Variants in WWC2 observed in about 807,000 individuals in gnomAD.
The protein encoded by WWC2 is protein WWC2.
WWC2 carries 101 observed loss-of-function variants against 138.5 expected under a neutral mutation model. That is an observed-to-expected ratio of 0.73 (90% CI 0.62 to 0.86). The LOEUF is 0.86. WWC2 is among the 40% of genes least tolerant of loss of function. WWC2 has a pLI of 0.00. For synonymous variants in WWC2, 558 were observed against 538.4 expected, an observed-to-expected ratio of 1.04 and a Z score of -0.50; for missense variants, 1,420 against 1,419.4, an observed-to-expected ratio of 1.00 and a Z score of -0.01.
At chr4:183,160,967 A>C (rs142639718) in intron 1 of WWC2, among the ~76,000 whole-genome samples, 2 of 152,186 alleles carry the variant, frequency 1.3e-5, no homozygotes, top group African/African-American at 4.8e-5. Flanking sequence ...AGAGCAACTT[A>C]TTAGGAGACA....
intron 1 of WWC2, among the ~76,000 whole-genome samples, chr4:183,129,256 G>A (rs761332705): frequency 6.6e-6 from 1 of 152,186 alleles, no homozygotes; most frequent in African/African-American, 2.4e-5. Flanking sequence ...TGAATAGTTA[G>A]CTTGAAGGAG....
chr4:183,295,878 G>A (rs1224642406), intron 21 of WWC2, among the ~76,000 whole-genome samples: 1 of 152,192 alleles, frequency 6.6e-6, no homozygotes, highest in East Asian at 1.9e-4. Context: ...TGATAGGAAT[G>A]TGAGGCATGT....
chr4:183,206,375 T>G (rs1364472698), intron 2 of WWC2, among the ~76,000 whole-genome samples: 1 of 151,684 alleles, frequency 6.6e-6, no homozygotes, highest in African/African-American at 2.4e-5. Context: ...AATTATCCCC[T>G]GTTTGTGTTT....
intron 4 of WWC2, among the ~76,000 whole-genome samples, chr4:183,217,869 A>T (rs1735800555): frequency 6.6e-6 from 1 of 152,146 alleles, no homozygotes; most frequent in South Asian, 2.1e-4. Flanking sequence ...TATTTGCAGA[A>T]ACTGAAATTA....
intron 21 of WWC2, among the ~76,000 whole-genome samples, chr4:183,300,992 T>A (rs932596908): frequency 1.3e-5 from 2 of 152,162 alleles, no homozygotes; most frequent in Non-Finnish European, 2.9e-5. Context: ...AAAAGTGGGT[T>A]GGATTTTCTT....
intron 1 of WWC2, among the ~76,000 whole-genome samples, chr4:183,140,958 T>C (rs1286991049): frequency 2.0e-5 from 3 of 152,206 alleles, no homozygotes. Context: ...GCCCACTGCA[T>C]AGTATTATTT....
intron 1 of WWC2, among the ~76,000 whole-genome samples, chr4:183,123,710 T>G (rs933052654): frequency 6.6e-6 from 1 of 152,142 alleles, no homozygotes; most frequent in Non-Finnish European, 1.5e-5. Context: ...TGACATATAT[T>G]AAATATACAT....
At chr4:183,278,552 T>G (rs1737946760) in intron 16 of WWC2, among the ~76,000 whole-genome samples, 1 of 152,014 alleles carries the variant, frequency 6.6e-6, no homozygotes, top group Non-Finnish European at 1.5e-5. Flanking sequence ...GCATTGAATC[T>G]GTAAATTACC....
intron 4 of WWC2, among the ~76,000 whole-genome samples, chr4:183,209,667 A>G (rs1471773649): frequency 6.6e-6 from 1 of 152,162 alleles, no homozygotes; most frequent in Non-Finnish European, 1.5e-5. Flanking sequence ...AGACAACCCA[A>G]TATTTCAAGA....
rs780777604 is a variant in WWC2, at chr4:183,264,996, C to T, written c.1928C>T (p.Pro643Leu). ...TCCATAGATGTGGAAAAATCATTAC[C>T]AAAAAGAAGAGTGATCCACTTGCTT... ...EGTADVEKSL[P>L]KRRVIHLLGE... is the part of the protein sequence containing the mutation. The change falls in exon 12 of 23, where the codon CCA becomes CTA. Residue 643 changes from proline to leucine, a missense_variant. Transcript: ENST00000403733. The T allele has an allele frequency of 6.2e-6, 10 of 1,611,890 alleles. No homozygotes were observed. The African/African-American group carries it at 8.0e-5, about 13-fold the overall frequency.
chr4:183,212,163 G>A (rs1217883787), intron 4 of WWC2, among the ~76,000 whole-genome samples: 2 of 152,180 alleles, frequency 1.3e-5, no homozygotes, highest in South Asian at 2.1e-4. Context: ...CTTAGTCCTC[G>A]AATGTCCTCA....
intron 4 of WWC2, among the ~76,000 whole-genome samples, chr4:183,214,011 T>C (rs1330854364): frequency 6.6e-6 from 1 of 152,158 alleles, no homozygotes; most frequent in Non-Finnish European, 1.5e-5. Flanking sequence ...CTAATTTTTA[T>C]TACATTTTTA....
At chr4:183,147,061 A>G (rs1308600670) in intron 1 of WWC2, among the ~76,000 whole-genome samples, 1 of 152,228 alleles carries the variant, frequency 6.6e-6, no homozygotes, top group Admixed American at 6.5e-5. Context: ...CTGAGGCCCA[A>G]GCCATGAACA....
chr4:183,125,450 G>T (rs1241548699), intron 1 of WWC2, among the ~76,000 whole-genome samples: 2 of 152,174 alleles, frequency 1.3e-5, no homozygotes, highest in African/African-American at 2.4e-5. Flanking sequence ...GCTATTTCTA[G>T]TGAAAAACAT....
At chr4:183,173,683 C>T (rs900187675) in intron 1 of WWC2, among the ~76,000 whole-genome samples, 1 of 151,916 alleles carries the variant, frequency 6.6e-6, no homozygotes, top group African/African-American at 2.4e-5. Context: ...ATTGGAGATG[C>T]CACAGGCACC....
chr4:183,265,063 G>A lies in WWC2; in HGVS notation c.1995G>A (p.Glu665=). ...GTGTGTCGGCTGCTGTGTCTGATGA[G>A]TCTGTGGCTGGAGACAGTGGGGTCT... The part of the protein sequence containing the change: ...TTCVSAAVSD[E]SVAGDSGVYE... The change falls in exon 12 of 23, where the codon GAG becomes GAA. Residue 665 remains glutamate, a synonymous_variant. Coordinates refer to ENST00000403733, the MANE Select transcript of WWC2 (RefSeq NM_024949.6). 6.2e-7 allele frequency: 1 copy of A among 1,613,378 alleles called. No individual in the cohort carries two copies. The highest frequency in any genetic ancestry group is 1.1e-5 in the South Asian group (1 of 90,914).
At chr4:183,248,933 C>A in intron 7 of WWC2, 73 bp downstream of exon 7, 1 of 1,368,628 alleles carries the variant, frequency 7.3e-7, no homozygotes, top group Non-Finnish European at 9.8e-7. Context: ...GGATGGTGAA[C>A]TGGAACCAGA....
intron 2 of WWC2, among the ~76,000 whole-genome samples, chr4:183,195,285 C>A (rs1735106063): frequency 6.6e-6 from 1 of 152,178 alleles, no homozygotes; most frequent in Non-Finnish European, 1.5e-5. Context: ...AGCTTTCTTT[C>A]CTTAAAGTAG....
chr4:183,259,396 G>A (rs987697673), intron 9 of WWC2, among the ~76,000 whole-genome samples: 2 of 151,982 alleles, frequency 1.3e-5, no homozygotes, highest in Non-Finnish European at 2.9e-5. Flanking sequence ...AAGATTCTAG[G>A]CTACCAGCAA....
Sources: gnomAD v4.1 joint callset for allele counts (sites outside exome capture counted in the v4.1 genomes callset) on GRCh38, gnomAD v4.1.1 for gene constraint, MANE v1.5 for transcripts, NCBI Gene and HGNC (gene_info 2026-07-23, HGNC 2026-07-21) for gene names.